The following SERBP1 variants were observed in gnomAD, a reference collection of about 807,000 sequenced individuals.
The protein encoded by SERBP1 is SERPINE1 mRNA binding protein 1, also known as SERPINE1 mRNA-binding protein 1.
SERBP1 carries 6 observed loss-of-function variants against 50.2 expected under a neutral mutation model. The ratio of observed to expected loss-of-function variants is 0.12; its 90% CI spans 0.07 to 0.24. SERBP1 has a LOEUF of 0.24. Ranked by LOEUF, SERBP1 falls within the 10% of genes least tolerant of loss-of-function variation. SERBP1 has a pLI of 1.00. For missense variants in SERBP1, 346 were observed against 524.9 expected (o/e 0.66, Z 3.33); for synonymous variants, 168 against 182.8 (o/e 0.92, Z 0.65).
At chr1:67,416,115 C>T (rs892869464) in intron 6 of SERBP1, among the ~76,000 whole-genome samples, 9 of 151,026 alleles carry the variant, frequency 6.0e-5, no homozygotes, top group African/African-American at 1.9e-4. Context: ...CAGGCTCAAG[C>T]GATCCTCCCA....
At chr1:67,423,920 T>G (rs1378008324) in intron 5 of SERBP1, among the ~76,000 whole-genome samples, 1 of 151,872 alleles carries the variant, frequency 6.6e-6, no homozygotes, top group Admixed American at 6.6e-5. Flanking sequence ...CAGTGGCTCA[T>G]GCCTGTAATC....
rs958135090 is a variant in SERBP1, at chr1:67,410,873, A to T, written c.*2334T>A. 1.3e-5 allele frequency: 2 copies of T among 152,158 alleles called. No homozygotes were observed. The highest frequency in any genetic ancestry group is 4.8e-5 in the African/African-American group (2 of 41,442). 9.4% of individuals were successfully genotyped at this position (152,158 alleles called of 1,614,324 possible). Reference sequence around the variant, plus strand: ...AACTTTCCCAATTAAGTCATTAGTCATTAAGATAAGTACCCTTCCCAAATG... The same window carrying T: ...AACTTTCCCAATTAAGTCATTAGTCTTTAAGATAAGTACCCTTCCCAAATG... On this transcript the variant is annotated 3_prime_UTR_variant, in exon 8 of 8. Coordinates refer to ENST00000361219, the MANE Select transcript of SERBP1 (RefSeq NM_001018069.2).
intron 1 of SERBP1, among the ~76,000 whole-genome samples, chr1:67,426,723 C>T (rs1667392615): frequency 6.6e-6 from 1 of 151,928 alleles, no homozygotes; most frequent in Admixed American, 6.5e-5. Context: ...TACCAGCAGC[C>T]ATTCATAAAT....
At chr1:67,423,214 G>A (rs988176998) in intron 5 of SERBP1, among the ~76,000 whole-genome samples, 1 of 151,866 alleles carries the variant, frequency 6.6e-6, no homozygotes, top group African/African-American at 2.4e-5. Flanking sequence ...CAGGAGAATC[G>A]CGTGAACCCG....
At chr1:67,419,943 C>A in intron 6 of SERBP1, 66 bp downstream of exon 6, 1 of 1,450,106 alleles carries the variant, frequency 6.9e-7, no homozygotes. Flanking sequence ...AATTTTAAAA[C>A]AAAAATTATA....
In SERBP1 at chr1:67,411,444, G is replaced by C. The variant is rs185537811; in HGVS notation, c.*1763C>G. 39 of 152,214 alleles carry C rather than the reference G, an allele frequency of 2.6e-4. No individual in the cohort carries two copies. In the East Asian group the frequency reaches 4.0e-3, roughly 16 times the overall value. The allele number at this position is 152,214 out of a possible 1,614,324, so 9.4% of individuals were successfully genotyped here. On this transcript the variant is annotated 3_prime_UTR_variant, in exon 8 of 8. Coordinates refer to ENST00000361219, the MANE Select transcript of SERBP1 (RefSeq NM_001018069.2). ...GAACAATGGGTCAATAGTTCATATG[G>C]ACTAAATTAATCTCTGGGTAGCACG...
chr1:67,420,719 T>G (rs1000702007), intron 5 of SERBP1, among the ~76,000 whole-genome samples: 2 of 152,174 alleles, frequency 1.3e-5, no homozygotes, highest in South Asian at 4.1e-4. Flanking sequence ...ATCAAAACAA[T>G]AGCCGTGTTT....
Position 67,425,182 on chromosome 1 carries a change from C to G in SERBP1, c.506G>C (p.Gly169Ala). 1 of 1,610,744 alleles carries G rather than the reference C, an allele frequency of 6.2e-7. No individual in the cohort carries two copies. Among genetic ancestry groups the G allele is most frequent in the Non-Finnish European group, 8.5e-7 (1 of 1,179,432 alleles). Residue 169 changes from glycine (G) to alanine (A), a missense_variant, in exon 3 of 8, where the codon GGA becomes GCA. By Grantham distance (60) the Gly-to-Ala change is moderately conservative (BLOSUM62 0). This residue lies in a region of SERBP1 where 257 missense variants were observed against 331.2 expected (regional missense o/e 0.78). Transcript: ENST00000361219. ...ACGTCCACGGCCCCCTCGACCTCTTCCAAGACCACCACGACCTCGAATAGG... is the reference window on the plus strand; with the variant it reads ...ACGTCCACGGCCCCCTCGACCTCTTGCAAGACCACCACGACCTCGAATAGG... ...DRPIRGRGGL[G>A]RGRGGRGRGM...
rs1173427559 is a variant in SERBP1 at position 67,430,217 on chromosome 1, G to A, written c.84C>T (p.Phe28=). 7 of 1,602,310 alleles carry A rather than the reference G, an allele frequency of 4.4e-6. No homozygotes were observed. In the South Asian group the frequency reaches 6.7e-5, roughly 15 times the overall value. The change falls in exon 1 of 8, where the codon TTC becomes TTT. Residue 28 remains phenylalanine (F), a synonymous_variant. Transcript: ENST00000361219. Reference sequence around the variant, plus strand: ...TGTTCTCTGCTGCCTTCAGCACCTCGAAGGGGTCCGATTCGTCGTCAAATA... The same window carrying A: ...TGTTCTCTGCTGCCTTCAGCACCTCAAAGGGGTCCGATTCGTCGTCAAATA... ...DQLFDDESDP[F]EVLKAAENKK...
Position 67,412,240 on chromosome 1 carries a change from C to T in SERBP1, c.*967G>A, listed in dbSNP as rs1570276607. On this transcript the variant is annotated 3_prime_UTR_variant, in exon 8 of 8. Coordinates refer to ENST00000361219, the MANE Select transcript of SERBP1 (RefSeq NM_001018069.2). Reference sequence around the variant, plus strand: ...ACCATTTTGATTTTGGGACCTTTCACACACAGAAATCATACCAAATGGCCA... The same window carrying T: ...ACCATTTTGATTTTGGGACCTTTCATACACAGAAATCATACCAAATGGCCA... 1.3e-5 allele frequency: 2 copies of T among 152,630 alleles called. No homozygotes were observed. Among genetic ancestry groups the T allele is most frequent in the East Asian group, 3.8e-4 (2 of 5,204 alleles). The allele number at this position is 152,630 out of a possible 1,614,324, so 9.5% of individuals were successfully genotyped here.
At position 67,430,376 on chromosome 1, in the gene SERBP1, T is replaced by G; in HGVS notation, c.-76A>C. 7.0e-7 allele frequency: 1 copy of G among 1,423,278 alleles called. No individual in the cohort carries two copies. Among genetic ancestry groups the G allele is most frequent in the South Asian group, 1.4e-5 (1 of 69,614 alleles). 88.2% of individuals were successfully genotyped at this position (1,423,278 alleles called of 1,614,324 possible). On this transcript the variant is annotated 5_prime_UTR_variant, in exon 1 of 8. Coordinates refer to ENST00000361219, the MANE Select transcript of SERBP1 (RefSeq NM_001018069.2). ...AGCCAAGAGCGCCTGCTTCAGCTCT[T>G]CCCACAAGATGGCCGGGCCGAGAGA...
chr1:67,424,119 T>A, intron 5 of SERBP1, 81 bp downstream of exon 5: 1 of 1,422,850 alleles, frequency 7.0e-7, no homozygotes, highest in Non-Finnish European at 9.4e-7. Flanking sequence ...AGTAACAGCA[T>A]TAAATCTATG....
At chr1:67,418,579 T>G (rs1394621982) in intron 6 of SERBP1, among the ~76,000 whole-genome samples, 4 of 151,944 alleles carry the variant, frequency 2.6e-5, no homozygotes, top group African/African-American at 9.7e-5. Flanking sequence ...GCCAACATGA[T>G]GAAACCTCAT....
chr1:67,415,262 A>G lies in SERBP1; in HGVS notation c.1029T>C (p.Asn343=), dbSNP rs1427275284. ...ANDITSQLEI[N]FGDLGRPGRG... Reference sequence around the variant, plus strand: ...GTCCTGGGCGGCCAAGGTCTCCAAAATTGATCTCCAGCTGAGACGTTATAT... The same window carrying G: ...GTCCTGGGCGGCCAAGGTCTCCAAAGTTGATCTCCAGCTGAGACGTTATAT... The change falls in exon 7 of 8, where the codon AAT becomes AAC. Residue 343 remains asparagine (N), a synonymous_variant. Transcript: ENST00000361219. 21 of 1,612,862 alleles carry G rather than the reference A, an allele frequency of 1.3e-5. No homozygotes were observed. Among genetic ancestry groups the G allele is most frequent in the Non-Finnish European group, 1.8e-5 (21 of 1,179,492 alleles).
intron 2 of SERBP1, among the ~76,000 whole-genome samples, chr1:67,425,428 T>G (rs1385512338): frequency 2.0e-5 from 3 of 152,244 alleles, no homozygotes; most frequent in Non-Finnish European, 4.4e-5. Flanking sequence ...AAAACTATTT[T>G]AGCACTCTAA....
At position 67,422,960 on chromosome 1, in the gene SERBP1, CAAACAAAACAAAACAAAACA is replaced by C. The variant is rs57255283; in HGVS notation, c.773+1220_773+1239del. The stretch of plus-strand genomic sequence containing the variant: ...CTGGGCAACAGAGCGAGAATGTCTC[CAAACAAAACAAAACAAAACA>C]AAACAAAACAAAACAAAACAAAACA... On this transcript the variant is annotated intron_variant, in intron 5 of 7. Coordinates refer to ENST00000361219, the MANE Select transcript of SERBP1 (RefSeq NM_001018069.2). Among the ~76,000 whole-genome samples the C allele has an allele frequency of 3.7e-3, 549 of 147,570 alleles. 5 individuals are homozygous for C. The highest frequency in any genetic ancestry group is 0.011 in the African/African-American group (450 of 39,662).
Position 67,411,552 on chromosome 1 carries a change from CAA to C in SERBP1, c.*1653_*1654del, listed in dbSNP as rs1479308885. 3.3e-5 allele frequency: 5 copies of C among 152,242 alleles called. No homozygotes were observed. Among genetic ancestry groups the C allele is most frequent in the African/African-American group, 1.2e-4 (5 of 41,560 alleles). 9.4% of individuals were successfully genotyped at this position (152,242 alleles called of 1,614,324 possible). On this transcript the variant is annotated 3_prime_UTR_variant, in exon 8 of 8. Transcript: ENST00000361219. ...CATCATAAGATCCAAAACACCAGCACAAGTTTATCCATCATTAAAAACAATTA... is the reference window on the plus strand; with the variant it reads ...CATCATAAGATCCAAAACACCAGCACGTTTATCCATCATTAAAAACAATTA...
Position 67,410,310 on chromosome 1 carries a change from C to G in SERBP1, c.*2897G>C, listed in dbSNP as rs1216573767. ...CACATTTAGGCTTTGTATGCAACTC[C>G]CTGTTCTATTTCAGTGCAACCATCT... On this transcript the variant is annotated 3_prime_UTR_variant, in exon 8 of 8. Transcript: ENST00000361219. 4 of 152,122 alleles carry G rather than the reference C, an allele frequency of 2.6e-5. No individual in the cohort carries two copies. The East Asian group carries it at 7.7e-4, about 29-fold the overall frequency. 9.4% of individuals were successfully genotyped at this position (152,122 alleles called of 1,614,324 possible). A position where few individuals can be genotyped will look rare whatever the true frequency, so the allele number is the denominator to read the frequency against.
intron 1 of SERBP1, 94 bp downstream of exon 1, chr1:67,429,894 C>T: frequency 1.5e-6 from 2 of 1,345,710 alleles, no homozygotes; most frequent in Non-Finnish European, 1.0e-6. Flanking sequence ...AAGTCTCCCG[C>T]GGACCCTCGG....
Sources: gnomAD v4.1 joint callset for allele counts (sites outside exome capture counted in the v4.1 genomes callset) on GRCh38, gnomAD v4.1.1 for gene constraint, gnomAD v4.1.1 regional missense constraint, MANE v1.5 for transcripts, NCBI Gene and HGNC (gene_info 2026-07-23, HGNC 2026-07-21) for gene names.